Variants in CDC14B observed in about 807,000 individuals in gnomAD.
CDC14B encodes the protein cell division cycle 14B.
CDC14B carries 22 observed loss-of-function variants against 64.2 expected under a neutral mutation model. The observed-to-expected ratio is 0.34, with a 90% confidence interval of 0.24 to 0.49. The LOEUF is 0.49. Among genes scored for constraint, CDC14B ranks in the 20% least tolerant of loss-of-function variants. The pLI is 0.99. For synonymous variants in CDC14B, 191 were observed against 215.8 expected, an observed-to-expected ratio of 0.89 and a Z score of 1.01; for missense variants, 498 against 629.9, an observed-to-expected ratio of 0.79 and a Z score of 2.24.
At chr9:96,535,234 G>A (rs1378829014) in intron 7 of CDC14B, among the ~76,000 whole-genome samples, 1 of 152,162 alleles carries the variant, frequency 6.6e-6, no homozygotes, top group Non-Finnish European at 1.5e-5. Flanking sequence ...TTGAACCCAG[G>A]AGGCGGAAGT....
intron 1 of CDC14B, among the ~76,000 whole-genome samples, chr9:96,586,702 G>T (rs1181977942): frequency 6.6e-6 from 1 of 152,060 alleles, no homozygotes; most frequent in Non-Finnish European, 1.5e-5. Flanking sequence ...GATTACAGGT[G>T]TGAGCCACCA....
At chr9:96,516,119 A>G (rs896454839) in intron 12 of CDC14B, among the ~76,000 whole-genome samples, 1 of 152,244 alleles carries the variant, frequency 6.6e-6, no homozygotes, top group Non-Finnish European at 1.5e-5. Context: ...GTGCACACAC[A>G]GAAAACTAAA....
intron 11 of CDC14B, 119 bp downstream of exon 11, chr9:96,523,142 A>G: frequency 1.8e-6 from 2 of 1,108,344 alleles, no homozygotes; most frequent in Non-Finnish European, 2.6e-6. Flanking sequence ...TAAATATAAA[A>G]AACTGACAAT....
chr9:96,608,924 C>CAA (rs1231112227), intron 1 of CDC14B, among the ~76,000 whole-genome samples: 1 of 137,178 alleles, frequency 7.3e-6, no homozygotes, highest in African/African-American at 3.6e-5. Flanking sequence ...CACACACACA[C>CAA]ACGAAAAGAC....
At chr9:96,605,480 T>G (rs1447664351) in intron 1 of CDC14B, among the ~76,000 whole-genome samples, 1 of 152,194 alleles carries the variant, frequency 6.6e-6, no homozygotes, top group Non-Finnish European at 1.5e-5. Context: ...AGGGTTCCCC[T>G]GCGGCCTCTA....
downstream of CDC14B, among the ~76,000 whole-genome samples, chr9:96,495,376 G>C (rs1211216413): frequency 6.6e-6 from 1 of 151,536 alleles, no homozygotes; most frequent in Non-Finnish European, 1.5e-5. Context: ...CCCTTTCTGG[G>C]CACCCATGTG....
chr9:96,600,730 T>G lies in CDC14B; in HGVS notation c.160+18489A>C, dbSNP rs1333123014. ...ATTGGCCAGGCTGGTCTCAAACTCC[T>G]GACCTCAAGTGATCCACCTGCCTCA... On this transcript the variant is annotated intron_variant, in intron 1 of 13. Transcript: ENST00000375241. Among the ~76,000 whole-genome samples, 3 of 152,136 alleles carry G rather than the reference T, an allele frequency of 2.0e-5. No homozygotes were observed. In the East Asian group the frequency reaches 5.8e-4, roughly 29 times the overall value.
rs1477915547 is a variant in CDC14B, at chr9:96,607,119, T to C, written c.160+12100A>G. On this transcript the variant is annotated intron_variant, in intron 1 of 13. Transcript: ENST00000375241. ...AAAAAAAATCTGAGTTTATTGGGAA[T>C]TTAATGGTTAGCTTTCAGAATATCC... 1.7e-4 allele frequency among the ~76,000 whole-genome samples: 26 copies of C among 152,052 alleles called. 1 individual carries two copies. Among genetic ancestry groups the C allele is most frequent in the Admixed American group, 1.7e-3 (26 of 15,258 alleles).
At chr9:96,604,658 T>A (rs1386108757) in intron 1 of CDC14B, among the ~76,000 whole-genome samples, 1 of 149,540 alleles carries the variant, frequency 6.7e-6, no homozygotes, top group Non-Finnish European at 1.5e-5. Context: ...ACACCTGGCC[T>A]TTTTTTTTGC....
intron 1 of CDC14B, among the ~76,000 whole-genome samples, chr9:96,606,309 G>C (rs1846915865): frequency 7.1e-6 from 1 of 139,892 alleles, no homozygotes. Flanking sequence ...CTCCAGCCTG[G>C]GGAACAGGGC....
rs1833607494 is a variant in CDC14B, at chr9:96,502,107, CTTTGTG to C, written c.*1640_*1645del. ...GTAGTCTGCCCACAGCCAAGTGGGT[CTTTGTG>C]CCTATTCATTTCCAGGGACAGAAAA... is the stretch of plus-strand genomic sequence containing the variant. On this transcript the variant is annotated 3_prime_UTR_variant, in exon 14 of 14. Transcript: ENST00000375241. 1 of 152,180 alleles carries C rather than the reference CTTTGTG, an allele frequency of 6.6e-6. No homozygotes were observed. Among genetic ancestry groups the C allele is most frequent in the Non-Finnish European group, 1.5e-5 (1 of 68,020 alleles). 9.4% of individuals were successfully genotyped at this position (152,180 alleles called of 1,614,324 possible).
At chr9:96,534,287 A>C in intron 8 of CDC14B, 130 bp from the exon 9 acceptor site, 2 of 792,010 alleles carry the variant, frequency 2.5e-6, no homozygotes, top group Non-Finnish European at 2.0e-6. Flanking sequence ...AACTGTAAAA[A>C]ACAAAAGAAA....
chr9:96,618,773 G>A (rs539517029), intron 1 of CDC14B: 4 of 357,260 alleles, frequency 1.1e-5, no homozygotes, highest in South Asian at 6.2e-5. Context: ...CAGCTCCCGT[G>A]CCAGGCGCGT....
intron 9 of CDC14B, among the ~76,000 whole-genome samples, chr9:96,530,039 CTTCT>C (rs1490086387): frequency 1.3e-5 from 2 of 152,250 alleles, no homozygotes; most frequent in East Asian, 1.9e-4. Context: ...TTAATTACAT[CTTCT>C]TTAATTTTCC....
intron 1 of CDC14B, among the ~76,000 whole-genome samples, chr9:96,610,656 A>G (rs1847255123): frequency 6.6e-6 from 1 of 152,068 alleles, no homozygotes. Flanking sequence ...CCACAAAAAA[A>G]AAAAAACAGG....
chr9:96,558,175 A>G (rs1842731614), intron 4 of CDC14B, among the ~76,000 whole-genome samples: 1 of 152,192 alleles, frequency 6.6e-6, no homozygotes, highest in South Asian at 2.1e-4. Context: ...GGGGGAGTGA[A>G]GAGAGGTTGG....
At chr9:96,514,597 G>C in intron 12 of CDC14B, 3 of 985,370 alleles carry the variant, frequency 3.0e-6, no homozygotes, top group Non-Finnish European at 2.4e-6. Flanking sequence ...TACCAGAGTT[G>C]GTTGCAATGG....
At chr9:96,519,259 G>A (rs896130041) in intron 12 of CDC14B, among the ~76,000 whole-genome samples, 1 of 152,162 alleles carries the variant, frequency 6.6e-6, no homozygotes, top group African/African-American at 2.4e-5. Context: ...CTCAAGTTAT[G>A]CAATCTACCA....
intron 4 of CDC14B, among the ~76,000 whole-genome samples, chr9:96,557,953 A>G (rs1299190734): frequency 6.6e-6 from 1 of 152,236 alleles, no homozygotes; most frequent in Non-Finnish European, 1.5e-5. Context: ...TTAATTTCCC[A>G]GGCTAGCCCT....
Sources: gnomAD v4.1 joint callset for allele counts (sites outside exome capture counted in the v4.1 genomes callset) on GRCh38, gnomAD v4.1.1 for gene constraint, MANE v1.5 for transcripts, NCBI Gene and HGNC (gene_info 2026-07-23, HGNC 2026-07-21) for gene names.